CHD1: variants seen among roughly 807,000 people sequenced by gnomAD.
The protein encoded by CHD1 is ATP-dependent chromatin remodeler CHD1.
In CHD1, 36 loss-of-function variants were observed where a neutral mutation model predicts 224.2. That is an observed-to-expected ratio of 0.16 (90% CI 0.12 to 0.21). The LOEUF (loss-of-function observed/expected upper bound fraction) is 0.21, where lower values mean the gene tolerates loss of function less well. CHD1 is among the 10% of genes least tolerant of loss of function. The probability of loss-of-function intolerance (pLI) is 1.00; values close to 1 mark genes in which losing one functional copy is unlikely to be tolerated. For synonymous variants in CHD1, 668 were observed against 658.3 expected (o/e 1.01, Z -0.23); for missense variants, 1,378 against 1,994.8 (o/e 0.69, Z 5.89).
At chr5:98,901,830 A>G (rs1751734909) in intron 5 of CHD1, among the ~76,000 whole-genome samples, 2 of 152,012 alleles carry the variant, frequency 1.3e-5, no homozygotes, top group Middle Eastern at 3.4e-3. Flanking sequence ...TTTTTAGTCT[A>G]TTAAGTCTAT....
chr5:98,882,241 T>A, intron 19 of CHD1, 118 bp from the exon 20 acceptor site: 1 of 750,844 alleles, frequency 1.3e-6, no homozygotes. Flanking sequence ...TTTCACTGGT[T>A]AAAAGCAAAA....
intron 2 of CHD1, among the ~76,000 whole-genome samples, chr5:98,924,329 C>T (rs1753308233): frequency 6.6e-6 from 1 of 152,160 alleles, no homozygotes; most frequent in Non-Finnish European, 1.5e-5. Context: ...CAGTAGTCAA[C>T]ATACCTATAG....
At chr5:98,916,469 C>T (rs1287142640) in intron 2 of CHD1, among the ~76,000 whole-genome samples, 1 of 137,830 alleles carries the variant, frequency 7.3e-6, no homozygotes, top group Non-Finnish European at 1.5e-5. Flanking sequence ...CGCTTGAACC[C>T]GGGAGGCAGA....
intron 2 of CHD1, among the ~76,000 whole-genome samples, chr5:98,909,404 T>C (rs1221942475): frequency 2.0e-5 from 3 of 152,184 alleles, no homozygotes; most frequent in Non-Finnish European, 4.4e-5. Flanking sequence ...CCAGATGGCA[T>C]TTAATGTTTT....
chr5:98,880,724 T>C (rs1750113477), intron 22 of CHD1, among the ~76,000 whole-genome samples: 1 of 152,236 alleles, frequency 6.6e-6, no homozygotes, highest in Non-Finnish European at 1.5e-5. Context: ...TGTCAAAAAC[T>C]GCTTCAAAAA....
intron 16 of CHD1, among the ~76,000 whole-genome samples, chr5:98,888,592 T>A (rs1466270447): frequency 6.6e-6 from 1 of 152,100 alleles, no homozygotes; most frequent in African/African-American, 2.4e-5. Context: ...TTAAAAAGAG[T>A]AAGCAAATGC....
rs1425303985 is a variant in CHD1, at chr5:98,905,102, T to C, written c.54-4A>G. Reference sequence around the variant, plus strand: ...CCCAGAATCATCATCCGACTGGCTATAATTTGAAAATAAACAATTTCAAAC... The same window carrying C: ...CCCAGAATCATCATCCGACTGGCTACAATTTGAAAATAAACAATTTCAAAC... On this transcript the variant is annotated splice_polypyrimidine_tract_variant and splice_region_variant and intron_variant, in intron 2 of 35. Coordinates refer to ENST00000614616, the MANE Select transcript of CHD1 (RefSeq NM_001270.4). 3 of 1,612,258 alleles carry C rather than the reference T, an allele frequency of 1.9e-6. No individual in the cohort carries two copies. The African/African-American group carries it at 4.0e-5, about 22-fold the overall frequency.
intron 17 of CHD1, 66 bp from the exon 18 acceptor site, chr5:98,885,715 A>G (rs1750606920): frequency 1.1e-6 from 1 of 937,504 alleles, no homozygotes; most frequent in Admixed American, 2.2e-5. Flanking sequence ...ATTAAAATCA[A>G]TTATAAAATT....
chr5:98,926,606 G>C, intron 1 of CHD1, 72 bp from the exon 2 acceptor site: 1 of 331,770 alleles, frequency 3.0e-6, no homozygotes, highest in Non-Finnish European at 5.4e-6. Context: ...TGTCTAAAAC[G>C]TATAAATCTA....
chr5:98,875,228 T>C, intron 24 of CHD1, 115 bp from the exon 25 acceptor site: 1 of 599,736 alleles, frequency 1.7e-6, no homozygotes, highest in Non-Finnish European at 2.9e-6. Flanking sequence ...TTCAAGGCAC[T>C]GTTATCTAAG....
rs897358137 is a variant in CHD1, at chr5:98,894,073, C to T, written c.1801-467G>A. 3.9e-5 allele frequency among the ~76,000 whole-genome samples: 6 copies of T among 152,152 alleles called. No individual in the cohort carries two copies. The East Asian group carries it at 9.6e-4, about 24-fold the overall frequency. On this transcript the variant is annotated intron_variant, in intron 13 of 35. Coordinates refer to ENST00000614616, the MANE Select transcript of CHD1 (RefSeq NM_001270.4). ...CTCTGAGTTAGAGCAGGCCTGATTC[C>T]GCTACTTAAGAGCTGTGTTACCACA...
intron 2 of CHD1, among the ~76,000 whole-genome samples, chr5:98,910,007 T>C (rs1392726492): frequency 4.6e-5 from 7 of 152,156 alleles, no homozygotes; most frequent in Non-Finnish European, 8.8e-5. Context: ...AGCCATTTTA[T>C]CAAAAAGCCC....
chr5:98,861,810 C>G (rs551607187), intron 32 of CHD1, among the ~76,000 whole-genome samples: 2 of 151,942 alleles, frequency 1.3e-5, no homozygotes, highest in South Asian at 4.2e-4. Flanking sequence ...CCCACAATGA[C>G]TGTTCTTGAG....
intron 18 of CHD1, among the ~76,000 whole-genome samples, chr5:98,883,660 G>A (rs994763118): frequency 1.5e-4 from 22 of 151,310 alleles, no homozygotes; most frequent in African/African-American, 4.4e-4. Flanking sequence ...TTGTACACAC[G>A]ATTACAGCAG....
chr5:98,893,323 G>T, intron 14 of CHD1, 93 bp downstream of exon 14: 1 of 738,958 alleles, frequency 1.4e-6, no homozygotes, highest in Non-Finnish European at 2.1e-6. Context: ...ATCTTTTAGG[G>T]CAATAAAAAC....
At chr5:98,917,028 A>G (rs529868904) in intron 2 of CHD1, among the ~76,000 whole-genome samples, 11 of 152,304 alleles carry the variant, frequency 7.2e-5, no homozygotes, top group African/African-American at 2.4e-4. Flanking sequence ...CATAAAAACA[A>G]AAAGACTCCT....
intron 2 of CHD1, among the ~76,000 whole-genome samples, chr5:98,914,941 T>C (rs1019001046): frequency 6.6e-6 from 1 of 152,196 alleles, no homozygotes; most frequent in Non-Finnish European, 1.5e-5. Flanking sequence ...ATTTTAGTTA[T>C]TTTATAGACC....
Position 98,893,824 on chromosome 5 carries a change from C to A in CHD1, c.1801-218G>T, listed in dbSNP as rs142656891. Among the ~76,000 whole-genome samples the A allele has an allele frequency of 4.1e-4, 62 of 152,092 alleles. 1 individual carries two copies. The East Asian group carries it at 9.3e-3, about 23-fold the overall frequency. On this transcript the variant is annotated intron_variant, in intron 13 of 35. Transcript: ENST00000614616. ...TTAACCACTAGAATGTAATATCAAG[C>A]CAAAGTTTTTATTAGCTTATAAACT...
rs61749619 is a variant in CHD1 at position 98,856,658 on chromosome 5, A to G, written c.4855T>C (p.Leu1619=). ...GATCTATCTTTTAAACTTCCTTCCA[A>G]ATTTGACCTGTGATCTCTACTCCTG... The part of the protein sequence containing the change: ...DHRSRDHRSN[L]EGSLKDRSHS... The change falls in exon 36 of 36, where the codon TTG becomes CTG. Residue 1619 remains leucine, a synonymous_variant. Coordinates refer to ENST00000614616, the MANE Select transcript of CHD1 (RefSeq NM_001270.4). 6,653 of 1,613,652 alleles carry G rather than the reference A, an allele frequency of 4.1e-3. 218 individuals are homozygous for G. The African/African-American group carries it at 0.079, about 19-fold the overall frequency.
Sources: gnomAD v4.1 joint callset for allele counts (sites outside exome capture counted in the v4.1 genomes callset) on GRCh38, gnomAD v4.1.1 for gene constraint, MANE v1.5 for transcripts, NCBI Gene and HGNC (gene_info 2026-07-23, HGNC 2026-07-21) for gene names.